The following BLM variants were observed in gnomAD, a reference collection of about 807,000 sequenced individuals.
BLM encodes BLM RecQ like helicase.
A neutral mutation model predicts 135.3 loss-of-function variants in BLM; 95 were observed. That is an observed-to-expected ratio of 0.70 (90% CI 0.59 to 0.83). The LOEUF (loss-of-function observed/expected upper bound fraction) is 0.83, where lower values mean the gene tolerates loss of function less well. Among genes scored for constraint, BLM ranks in the 40% least tolerant of loss-of-function variants. The probability of loss-of-function intolerance (pLI) is 0.00; values close to 1 mark genes in which losing one functional copy is unlikely to be tolerated. For synonymous variants in BLM, 520 were observed against 589.2 expected, an observed-to-expected ratio of 0.88 and a Z score of 1.70; for missense variants, 1,518 against 1,663.9, an observed-to-expected ratio of 0.91 and a Z score of 1.53.
chr15:90,776,292 T>C (rs965702254), intron 12 of BLM, among the ~76,000 whole-genome samples: 1 of 152,208 alleles, frequency 6.6e-6, no homozygotes, highest in South Asian at 2.1e-4. Context: ...TCAATCGTTA[T>C]TCACTTTACT....
chr15:90,765,391 G>C lies in BLM; in HGVS notation c.2170G>C (p.Val724Leu). 1 of 1,610,564 alleles carries C rather than the reference G, an allele frequency of 6.2e-7. No homozygotes were observed. The highest frequency in any genetic ancestry group is 8.5e-7 in the Non-Finnish European group (1 of 1,176,898). The part of the protein sequence containing the change: ...SPLRSLIVDQ[V>L]QKLTSLDIPA... ...CTTGAGATCACTTATCGTAGATCAAGTCCAAAAGCTGACTTCCTTGGATGT... is the reference window on the plus strand; with the variant it reads ...CTTGAGATCACTTATCGTAGATCAACTCCAAAAGCTGACTTCCTTGGATGT... The change falls in exon 9 of 22, where the codon GTC becomes CTC. Residue 724 changes from valine to leucine, a missense_variant. Coordinates refer to ENST00000355112, the MANE Select transcript of BLM (RefSeq NM_000057.4).
At chr15:90,810,331 A>T (rs914467535) in intron 20 of BLM, among the ~76,000 whole-genome samples, 1 of 152,170 alleles carries the variant, frequency 6.6e-6, no homozygotes, top group African/African-American at 2.4e-5. Context: ...CTGGGGTTAC[A>T]GGCATGAGCC....
At chr15:90,771,106 ATC>A (rs111930907) in intron 12 of BLM, among the ~76,000 whole-genome samples, 15,291 of 152,212 alleles carry the variant, frequency 0.1, 1,410 homozygotes, top group African/African-American at 0.25. Flanking sequence ...TTGTAATTTA[ATC>A]TCACTTGCAG....
chr15:90,781,798 T>C (rs951255863), intron 12 of BLM, among the ~76,000 whole-genome samples: 1 of 152,128 alleles, frequency 6.6e-6, no homozygotes, highest in Non-Finnish European at 1.5e-5. Context: ...GAGTACCTGG[T>C]CAAAATTTGG....
At chr15:90,720,146 A>G (rs1894727650) in intron 1 of BLM, among the ~76,000 whole-genome samples, 1 of 152,102 alleles carries the variant, frequency 6.6e-6, no homozygotes, top group South Asian at 2.1e-4. Flanking sequence ...TTGCATTGTA[A>G]TTATTTGTTG....
intron 1 of BLM, among the ~76,000 whole-genome samples, chr15:90,739,076 TAC>T (rs1895296239): frequency 1.3e-5 from 2 of 152,176 alleles, no homozygotes; most frequent in Admixed American, 6.6e-5. Flanking sequence ...GGTATGTATC[TAC>T]AGTTAGATAT....
intron 12 of BLM, 129 bp downstream of exon 12, chr15:90,769,715 T>C (rs1482551042): frequency 6.2e-6 from 7 of 1,133,024 alleles, no homozygotes; most frequent in Non-Finnish European, 9.0e-6. Flanking sequence ...GCCCAAGTTG[T>C]AACCCGATGG....
chr15:90,815,248 C>A lies in BLM; in HGVS notation c.4223C>A (p.Pro1408Gln). The part of the protein sequence containing the change: ...IMAPPKPINR[P>Q]FLKPSYAFS ...GCTCCACCGAAGCCTATAAATAGAC[C>A]GTTTCTTAAGCCTTCATATGCATTC... The change falls in exon 22 of 22, where the codon CCG (proline) becomes CAG (glutamine). Residue 1408 changes from proline to glutamine, a missense_variant. Physicochemically the swap from Pro to Gln is moderately conservative, Grantham distance 76. Coordinates refer to ENST00000355112, the MANE Select transcript of BLM (RefSeq NM_000057.4). The surrounding 1 kb of genome is among the most constrained non-coding windows in gnomAD (Gnocchi z 4.6). 2 of 1,614,082 alleles carry A rather than the reference C, an allele frequency of 1.2e-6. No individual in the cohort carries two copies. The highest frequency in any genetic ancestry group is 2.2e-5 in the South Asian group (2 of 91,076).
At chr15:90,805,528 G>A (rs1230475404) in intron 19 of BLM, among the ~76,000 whole-genome samples, 1 of 151,760 alleles carries the variant, frequency 6.6e-6, no homozygotes, top group Admixed American at 6.6e-5. Context: ...GGTGGCTCAC[G>A]CCTGTAATCA....
chr15:90,802,941 CACCTACTATGT>C (rs1897196696), intron 17 of BLM, among the ~76,000 whole-genome samples: 1 of 152,030 alleles, frequency 6.6e-6, no homozygotes, highest in South Asian at 2.1e-4. Context: ...CAAATATATA[CACCTACTATGT>C]ACCCACAAAA....
chr15:90,802,485 C>T (rs190969958), intron 17 of BLM, among the ~76,000 whole-genome samples: 69 of 152,338 alleles, frequency 4.5e-4, no homozygotes, highest in Non-Finnish European at 7.8e-4. Flanking sequence ...CTGTCTTCAT[C>T]TCTCCCCTTG....
At chr15:90,725,667 A>ATT (rs71154128) in intron 1 of BLM, among the ~76,000 whole-genome samples, 131 of 141,506 alleles carry the variant, frequency 9.3e-4, no homozygotes, top group East Asian at 8.2e-3. Flanking sequence ...TGCCCGGCTA[A>ATT]TTTTTTTTTT....
intron 15 of BLM, among the ~76,000 whole-genome samples, chr15:90,793,464 A>T (rs1896955649): frequency 1.3e-5 from 2 of 152,212 alleles, no homozygotes; most frequent in Admixed American, 6.5e-5. Flanking sequence ...ACAGTTGCTT[A>T]CTGATGGAAA....
chr15:90,734,531 G>T (rs777764365), intron 1 of BLM, among the ~76,000 whole-genome samples: 1 of 151,924 alleles, frequency 6.6e-6, no homozygotes. Context: ...CAGGTGATCT[G>T]CCCACCTCGG....
chr15:90,761,120 G>T lies in BLM; in HGVS notation c.1747G>T (p.Ala583Ser), dbSNP rs1043484811. The T allele has an allele frequency of 6.5e-7, 1 of 1,541,570 alleles. No homozygotes were observed. Among genetic ancestry groups the T allele is most frequent in the Non-Finnish European group, 8.7e-7 (1 of 1,149,702 alleles). Residue 583 changes from alanine (A) to serine (S), a missense_variant, in exon 7 of 22, where the codon GCC (alanine) becomes TCC (serine). Transcript: ENST00000355112. The stretch of plus-strand genomic sequence containing the variant: ...AGCAGCCAGCAAATCTTCCACAGCT[G>T]CCTATCAACCCATCAAGGAAGGTCG... ...NLAASKSSTA[A>S]YQPIKEGRPI...
chr15:90,730,723 G>A (rs1200236784), intron 1 of BLM, among the ~76,000 whole-genome samples: 3 of 152,290 alleles, frequency 2.0e-5, no homozygotes, highest in Admixed American at 6.5e-5. Context: ...TGGGATTACA[G>A]GTATGAGCCA....
chr15:90,733,674 G>A (rs1033283107), intron 1 of BLM, among the ~76,000 whole-genome samples: 2 of 152,142 alleles, frequency 1.3e-5, no homozygotes, highest in Non-Finnish European at 2.9e-5. Context: ...GATATAGACT[G>A]CACGTATTTA....
At chr15:90,724,462 T>G (rs1429991768) in intron 1 of BLM, among the ~76,000 whole-genome samples, 1 of 152,138 alleles carries the variant, frequency 6.6e-6, no homozygotes, top group African/African-American at 2.4e-5. Context: ...AATAGTTCAG[T>G]TCTTTAGCAG....
At chr15:90,735,886 A>C (rs1411641970) in intron 1 of BLM, among the ~76,000 whole-genome samples, 1 of 152,198 alleles carries the variant, frequency 6.6e-6, no homozygotes, top group East Asian at 1.9e-4. Flanking sequence ...TGCAAAATAC[A>C]TTTTAAAGAC....
Sources: gnomAD v4.1 joint callset for allele counts (sites outside exome capture counted in the v4.1 genomes callset) on GRCh38, gnomAD v4.1.1 for gene constraint, Gnocchi (gnomAD v3.1) non-coding constraint, MANE v1.5 for transcripts, NCBI Gene and HGNC (gene_info 2026-07-23, HGNC 2026-07-21) for gene names.